The following GRAMD1B variants were observed in gnomAD, a reference collection of about 807,000 sequenced individuals.
GRAMD1B encodes GRAM domain containing 1B, also known as protein Aster-B.
A neutral mutation model predicts 99.7 loss-of-function variants in GRAMD1B; 37 were observed. The observed-to-expected ratio is 0.37, with a 90% confidence interval of 0.29 to 0.49. The LOEUF is 0.49. Ranked by LOEUF, GRAMD1B falls within the 20% of genes least tolerant of loss-of-function variation. GRAMD1B has a pLI of 0.98. For missense variants in GRAMD1B, 888 were observed against 1,009.2 expected (o/e 0.88, Z 1.63); for synonymous variants, 427 against 387.6 (o/e 1.10, Z -1.19).
intron 17 of GRAMD1B, among the ~76,000 whole-genome samples, chr11:123,617,946 G>A (rs1248307283): frequency 3.9e-5 from 6 of 152,180 alleles, no homozygotes; most frequent in African/African-American, 9.7e-5. Flanking sequence ...ACCTCAGCCT[G>A]TCTGCATGAT....
At chr11:123,598,808 A>T in intron 7 of GRAMD1B, 1 of 1,060,126 alleles carries the variant, frequency 9.4e-7, no homozygotes, top group Non-Finnish European at 1.5e-6. Context: ...TCTCAAATTC[A>T]GCCTGAATCT....
intron 1 of GRAMD1B, chr11:123,435,861 A>G (rs1949132655): frequency 6.0e-6 from 1 of 165,814 alleles, no homozygotes; most frequent in African/African-American, 2.4e-5. Flanking sequence ...GTGGTTTTTA[A>G]TATATTCACA....
chr11:123,567,126 G>C (rs1410366958), intron 2 of GRAMD1B, among the ~76,000 whole-genome samples: 2 of 144,450 alleles, frequency 1.4e-5, no homozygotes, highest in African/African-American at 2.6e-5. Context: ...CAAAATGTTA[G>C]AGTAAGAGTT....
chr11:123,609,709 C>T, intron 12 of GRAMD1B, 86 bp from the exon 13 acceptor site: 1 of 815,928 alleles, frequency 1.2e-6, no homozygotes, highest in Non-Finnish European at 2.0e-6. Flanking sequence ...TAAGCACAGT[C>T]CAGAAGGTCA....
chr11:123,516,671 A>C (rs569041345), intron 2 of GRAMD1B, among the ~76,000 whole-genome samples: 137 of 152,342 alleles, frequency 9.0e-4, no homozygotes, highest in Non-Finnish European at 1.7e-3. Context: ...TGTTGATTAA[A>C]AAAAAAGTTG....
At chr11:123,450,055 C>T (rs1949818275) in intron 1 of GRAMD1B, among the ~76,000 whole-genome samples, 1 of 152,098 alleles carries the variant, frequency 6.6e-6, no homozygotes, top group South Asian at 2.1e-4. Context: ...AGTCTCTATT[C>T]AGGGGAGCCA....
Position 123,436,729 on chromosome 11 carries a change from A to T in GRAMD1B, c.374+5563A>T, listed in dbSNP as rs74320324. ...TGGTCTAACTGCAAAGCATCATCTTAACTACCATTGAACATAAGACGGCAC... is the reference window on the plus strand; with the variant it reads ...TGGTCTAACTGCAAAGCATCATCTTTACTACCATTGAACATAAGACGGCAC... On this transcript the variant is annotated intron_variant, in intron 1 of 19. Coordinates refer to ENST00000635736, the MANE Select transcript of GRAMD1B (RefSeq NM_001387025.1). 3.9e-5 allele frequency among the ~76,000 whole-genome samples: 6 copies of T among 152,288 alleles called. No homozygotes were observed. In the East Asian group the frequency reaches 1.2e-3, roughly 29 times the overall value.
Position 123,432,179 on chromosome 11 carries a change from G to A in GRAMD1B, c.374+1013G>A, listed in dbSNP as rs569276671. The A allele has an allele frequency of 3.5e-5, 14 of 397,088 alleles. No individual in the cohort carries two copies. The South Asian group carries it at 1.8e-3, about 52-fold the overall frequency. The allele number at this position is 397,088 out of a possible 1,614,324, so 24.6% of individuals were successfully genotyped here. ...GCTCAGTCTAGTAACAGCTAATAGT[G>A]GTGATGTTGAGGAGGGTGTGGGGGA... On this transcript the variant is annotated intron_variant, in intron 1 of 19. Coordinates refer to ENST00000635736, the MANE Select transcript of GRAMD1B (RefSeq NM_001387025.1).
At chr11:123,438,453 T>C (rs185819995) in intron 1 of GRAMD1B, among the ~76,000 whole-genome samples, 3 of 151,794 alleles carry the variant, frequency 2.0e-5, no homozygotes, top group Admixed American at 1.3e-4. Context: ...TGAGGAGATG[T>C]GTGTGAGGTT....
intron 1 of GRAMD1B, among the ~76,000 whole-genome samples, chr11:123,443,213 A>G (rs545157690): frequency 3.8e-4 from 58 of 152,364 alleles, no homozygotes; most frequent in African/African-American, 1.3e-3. Context: ...AATTCAGAGA[A>G]ACACTTATGT....
chr11:123,591,502 T>G lies in GRAMD1B; in HGVS notation c.685-2580T>G, dbSNP rs1485307759. Reference sequence around the variant, plus strand: ...AGCTTGGCCATGCACCTGCTGCCGCTGAACACCGTTGCTGGCACGGATCTG... The same window carrying G: ...AGCTTGGCCATGCACCTGCTGCCGCGGAACACCGTTGCTGGCACGGATCTG... On this transcript the variant is annotated intron_variant, in intron 4 of 19. Transcript: ENST00000635736. The surrounding 1 kb of genome is among the most constrained non-coding windows in gnomAD (Gnocchi z 4.7). 1 of 398,916 alleles carries G rather than the reference T, an allele frequency of 2.5e-6. No individual in the cohort carries two copies. The highest frequency in any genetic ancestry group is 3.6e-5 in the East Asian group (1 of 28,082). The allele number at this position is 398,916 out of a possible 1,614,324, so 24.7% of individuals were successfully genotyped here.
chr11:123,372,199 A>G (rs1197735882), intron 1 of GRAMD1B, among the ~76,000 whole-genome samples: 2 of 152,224 alleles, frequency 1.3e-5, no homozygotes, highest in Non-Finnish European at 2.9e-5. Context: ...ACACGATTAT[A>G]CAGAAAACAA....
chr11:123,510,946 A>C lies in GRAMD1B; in HGVS notation c.452+30053A>C, dbSNP rs374522212. Among the ~76,000 whole-genome samples, 2 of 152,064 alleles carry C rather than the reference A, an allele frequency of 1.3e-5. No individual in the cohort carries two copies. The highest frequency in any genetic ancestry group is 1.9e-4 in the East Asian group (1 of 5,176). On this transcript the variant is annotated intron_variant, in intron 2 of 19. Coordinates refer to ENST00000635736, the MANE Select transcript of GRAMD1B (RefSeq NM_001387025.1). The surrounding 1 kb of genome is among the most constrained non-coding windows in gnomAD (Gnocchi z 4.3). ...GTCGGAGTGGGTGGATGAGGGGTGC[A>C]GGGTGGGGGGTGGAGGTATCTGTAG...
At chr11:123,592,909 T>C (rs933529143) in intron 4 of GRAMD1B, among the ~76,000 whole-genome samples, 7 of 152,136 alleles carry the variant, frequency 4.6e-5, no homozygotes, top group Non-Finnish European at 8.8e-5. Context: ...TTTTAGTTTC[T>C]TTTTTATTTT....
At chr11:123,621,239 G>A (rs1024928092) in intron 19 of GRAMD1B, among the ~76,000 whole-genome samples, 2 of 152,158 alleles carry the variant, frequency 1.3e-5, no homozygotes, top group African/African-American at 4.8e-5. Flanking sequence ...CAGAAATGTT[G>A]TCTTATGTTG....
chr11:123,612,957 G>C, intron 15 of GRAMD1B, 93 bp downstream of exon 15: 2 of 717,430 alleles, frequency 2.8e-6, no homozygotes, highest in East Asian at 5.4e-5. Flanking sequence ...ATTGAGAATA[G>C]AGGCAGAGAC....
At chr11:123,511,454 T>C (rs998332880) in intron 2 of GRAMD1B, among the ~76,000 whole-genome samples, 4 of 152,066 alleles carry the variant, frequency 2.6e-5, no homozygotes, top group African/African-American at 9.7e-5. Flanking sequence ...TTCAAATCTC[T>C]CCTGGCTCCT....
chr11:123,415,224 T>C (rs1948195595), intron 1 of GRAMD1B, among the ~76,000 whole-genome samples: 1 of 150,670 alleles, frequency 6.6e-6, no homozygotes, highest in Admixed American at 6.6e-5. Flanking sequence ...TGCCTTAGCT[T>C]CCCGAGTAGC....
intron 4 of GRAMD1B, among the ~76,000 whole-genome samples, chr11:123,586,305 C>T (rs1014466279): frequency 6.6e-6 from 1 of 152,180 alleles, no homozygotes; most frequent in African/African-American, 2.4e-5. Flanking sequence ...CTCAGCGACT[C>T]TGCATCATCC....
Sources: allele counts gnomAD v4.1 joint callset (sites outside exome capture counted in the v4.1 genomes callset), GRCh38; gene constraint gnomAD v4.1.1; non-coding constraint Gnocchi (gnomAD v3.1); transcripts MANE v1.5; gene names NCBI Gene and HGNC (gene_info 2026-07-23, HGNC 2026-07-21).